BCOR: variants seen among roughly 807,000 people sequenced by gnomAD.
BCOR encodes BCL6 corepressor, also known as BCL-6 corepressor.
BCOR carries 10 observed loss-of-function variants against 86.7 expected under a neutral mutation model. The ratio of observed to expected loss-of-function variants is 0.12; its 90% CI spans 0.07 to 0.20. The LOEUF (loss-of-function observed/expected upper bound fraction) is 0.20, where lower values mean the gene tolerates loss of function less well. BCOR is among the 10% of genes least tolerant of loss of function. BCOR has a pLI of 1.00. For missense variants in BCOR, 1,259 were observed against 1,452.1 expected, an observed-to-expected ratio of 0.87 and a Z score of 2.16; for synonymous variants, 611 against 609.0, an observed-to-expected ratio of 1.00 and a Z score of -0.05.
intron 1 of BCOR, among the ~76,000 whole-genome samples, chrX:40,149,971 T>C (rs1289036561): frequency 8.9e-6 from 1 of 112,118 alleles, no homozygotes; most frequent in Non-Finnish European, 1.9e-5. Flanking sequence ...GGCTGAGTGG[T>C]GACAGAGGAA....
At chrX:40,054,403 G>C in intron 12 of BCOR, 70 bp from the exon 13 acceptor site, 1 of 905,834 alleles carries the variant, frequency 1.1e-6, no homozygotes, top group Admixed American at 2.6e-5. Context: ...GCAGAGCCAC[G>C]TGGCATTTTT....
At chrX:40,060,150 G>A (rs746867836) in intron 10 of BCOR, among the ~76,000 whole-genome samples, 1 of 112,017 alleles carries the variant, frequency 8.9e-6, no homozygotes, top group Non-Finnish European at 1.9e-5. Context: ...TATTTTAAAG[G>A]GTTTACACTG....
chrX:40,070,782 G>C (rs1426356335), intron 6 of BCOR, among the ~76,000 whole-genome samples, 191 bp downstream of exon 6: 1 of 111,815 alleles, frequency 8.9e-6, no homozygotes, highest in Non-Finnish European at 1.9e-5. Context: ...ATCAACTCTA[G>C]AACCAGTGCT....
At chrX:40,093,449 G>T (rs1205175033) in intron 1 of BCOR, among the ~76,000 whole-genome samples, 1 of 111,624 alleles carries the variant, frequency 9.0e-6, no homozygotes, top group Non-Finnish European at 1.9e-5. Flanking sequence ...AGTTATTTAT[G>T]TATAGGGTAA....
chrX:40,165,669 C>G (rs372713738), intron 1 of BCOR, among the ~76,000 whole-genome samples: 1 of 112,729 alleles, frequency 8.9e-6, no homozygotes, highest in Non-Finnish European at 1.9e-5. Context: ...GCCAGAGAGA[C>G]CTGTGCCTAG....
intron 1 of BCOR, among the ~76,000 whole-genome samples, chrX:40,167,554 C>A (rs1300754690): frequency 8.9e-6 from 1 of 112,944 alleles, no homozygotes; most frequent in African/African-American, 3.2e-5. Flanking sequence ...CAAGTCTCTT[C>A]GCACCACTGT....
intron 1 of BCOR, among the ~76,000 whole-genome samples, chrX:40,176,759 C>G (rs1211582803): frequency 8.9e-6 from 1 of 111,930 alleles, no homozygotes; most frequent in East Asian, 2.9e-4. Context: ...GCTGCGAGAG[C>G]CGCCGCCCCG....
chrX:40,105,905 C>G (rs1170230591), intron 1 of BCOR, among the ~76,000 whole-genome samples: 1 of 112,613 alleles, frequency 8.9e-6, no homozygotes, highest in East Asian at 2.8e-4. Flanking sequence ...ACAGATGGGG[C>G]AAAACCTGTT....
In BCOR at chrX:40,052,321, T is replaced by C. The variant is rs746273079; in HGVS notation, c.5056A>G (p.Asn1686Asp). ...SSRIFRCNFP[N>D]VEIVTIAEAE... ...TCTGCAATGGTGACAATTTCCACGT[T>C]TGGAAAATTGCAGCGAAATATGCGG... Residue 1686 changes from asparagine (N) to aspartate (D), a missense_variant, in exon 15 of 15, where the codon AAC becomes GAC. Coordinates refer to ENST00000378444, the MANE Select transcript of BCOR (RefSeq NM_001123385.2). 4 of 1,210,352 alleles carry C rather than the reference T, an allele frequency of 3.3e-6. No individual in the cohort carries two copies. In the African/African-American group the frequency reaches 7.0e-5, roughly 21 times the overall value.
At chrX:40,166,354 A>C (rs1024976720) in intron 1 of BCOR, among the ~76,000 whole-genome samples, 2 of 111,843 alleles carry the variant, frequency 1.8e-5, no homozygotes, top group Non-Finnish European at 3.8e-5. Flanking sequence ...CATCTCCATC[A>C]TCACTGCCCC....
At chrX:40,118,110 C>A (rs1318308839) in intron 1 of BCOR, among the ~76,000 whole-genome samples, 1 of 107,449 alleles carries the variant, frequency 9.3e-6, no homozygotes, top group African/African-American at 3.4e-5. Context: ...GGCAAGGACC[C>A]CCCCTTTCAG....
At chrX:40,133,139 C>CTTT (rs774822335) in intron 1 of BCOR, among the ~76,000 whole-genome samples, 5 of 100,266 alleles carry the variant, frequency 5.0e-5, no homozygotes, top group Non-Finnish European at 8.2e-5. Flanking sequence ...TTCTTTTTTT[C>CTTT]TTTTTTTTTT....
chrX:40,148,626 A>AAAGGG (rs1416825953), intron 1 of BCOR, among the ~76,000 whole-genome samples: 1 of 111,320 alleles, frequency 9.0e-6, no homozygotes, highest in Non-Finnish European at 1.9e-5. Context: ...GAGGGAGTAT[A>AAAGGG]AAGGGAAAGC....
intron 1 of BCOR, among the ~76,000 whole-genome samples, chrX:40,153,882 C>T (rs1329117371): frequency 9.1e-6 from 1 of 110,394 alleles, no homozygotes. Context: ...AGAGGCAGGG[C>T]TGGCCTCGTG....
rs1938588080 is a variant in BCOR, at chrX:40,170,090, A to G, written c.-41+6917T>C. ...GCACCCCCTCCCACAGAGTTTTAAC[A>G]ACTCCAGGCCTTCAAGACGCAGTAG... On this transcript the variant is annotated intron_variant, in intron 1 of 14. Coordinates refer to the BCOR transcript ENST00000342274. 2.7e-5 allele frequency among the ~76,000 whole-genome samples: 3 copies of G among 111,981 alleles called. No homozygotes were observed. The Admixed American group carries it at 2.8e-4, about 10-fold the overall frequency.
At chrX:40,093,410 GGGA>G (rs775098929) in intron 1 of BCOR, among the ~76,000 whole-genome samples, 4 of 112,010 alleles carry the variant, frequency 3.6e-5, no homozygotes, top group Non-Finnish European at 7.5e-5. Flanking sequence ...AGGAAGAGGA[GGGA>G]GGAGGAGACT....
At chrX:40,149,071 C>T (rs1938118594) in intron 1 of BCOR, among the ~76,000 whole-genome samples, 1 of 109,341 alleles carries the variant, frequency 9.1e-6, no homozygotes, top group Admixed American at 9.9e-5. Context: ...TGGAGCCGGC[C>T]CCCCACCAGC....
chrX:40,144,400 T>C (rs1326541105), intron 1 of BCOR, among the ~76,000 whole-genome samples: 1 of 111,533 alleles, frequency 9.0e-6, no homozygotes. Context: ...ATGTGTGAAG[T>C]TGCCCCAAAA....
chrX:40,165,508 T>C (rs1350343146), intron 1 of BCOR, among the ~76,000 whole-genome samples: 4 of 112,261 alleles, frequency 3.6e-5, no homozygotes, highest in East Asian at 5.6e-4. Context: ...GTCTAGGACC[T>C]GCCCCTTCCC....
Sources: allele counts gnomAD v4.1 joint callset (sites outside exome capture counted in the v4.1 genomes callset), GRCh38; gene constraint gnomAD v4.1.1; transcripts MANE v1.5; gene names NCBI Gene and HGNC (gene_info 2026-07-23, HGNC 2026-07-21).